FAM13B: variants seen among roughly 807,000 people sequenced by gnomAD.
FAM13B encodes the protein protein FAM13B.
FAM13B carries 60 observed loss-of-function variants against 117.3 expected under a neutral mutation model. That is an observed-to-expected ratio of 0.51 (90% CI 0.42 to 0.63). FAM13B has a LOEUF of 0.63. FAM13B is among the 30% of genes least tolerant of loss of function. The pLI, the probability that FAM13B is intolerant of heterozygous loss-of-function variation, is 0.00. For missense variants in FAM13B, 972 were observed against 1,091.9 expected, an observed-to-expected ratio of 0.89 and a Z score of 1.55; for synonymous variants, 332 against 356.1, an observed-to-expected ratio of 0.93 and a Z score of 0.76.
At position 138,021,166 on chromosome 5, in the gene FAM13B, T is replaced by C; in HGVS notation, c.-171A>G. On this transcript the variant is annotated 5_prime_UTR_variant, in exon 2 of 24. Transcript: ENST00000689681. ...AGCCTGTAGTTCCTCATTGAAGAAA[T>C]GCAGAACTCGATCAGTACTTCAGCA... The C allele has an allele frequency of 4.9e-6, 6 of 1,231,682 alleles. No homozygotes were observed. The highest frequency in any genetic ancestry group is 6.1e-6 in the Non-Finnish European group (6 of 987,948). 76.3% of individuals were successfully genotyped at this position (1,231,682 alleles called of 1,614,324 possible). A position where few individuals can be genotyped will look rare whatever the true frequency, so the allele number is the denominator to read the frequency against.
At chr5:137,985,960 C>G (rs995330729) in intron 9 of FAM13B, among the ~76,000 whole-genome samples, 1 of 152,206 alleles carries the variant, frequency 6.6e-6, no homozygotes, top group African/African-American at 2.4e-5. Flanking sequence ...AGGACAAACT[C>G]CAAGAAATCT....
chr5:138,025,331 TTTGAG>T (rs1788076239), intron 1 of FAM13B, among the ~76,000 whole-genome samples: 1 of 144,690 alleles, frequency 6.9e-6, no homozygotes, highest in Non-Finnish European at 1.5e-5. Flanking sequence ...TTTTTTTTTT[TTTGAG>T]TTGAGGTCTC....
intron 7 of FAM13B, among the ~76,000 whole-genome samples, chr5:137,994,761 T>C (rs1032020942): frequency 2.0e-4 from 31 of 152,346 alleles, no homozygotes; most frequent in African/African-American, 6.3e-4. Context: ...TTGAAGACTA[T>C]AGTCATTCCC....
At position 137,940,302 on chromosome 5, in the gene FAM13B, C is replaced by G. The variant is rs1389082373; in HGVS notation, c.2737G>C (p.Glu913Gln). 1 of 1,609,032 alleles carries G rather than the reference C, an allele frequency of 6.2e-7. No homozygotes were observed. Among genetic ancestry groups the G allele is most frequent in the Non-Finnish European group, 8.5e-7 (1 of 1,175,602 alleles). Residue 913 changes from glutamate (E) to glutamine (Q), a missense_variant, in exon 24 of 24, where the codon GAG becomes CAG. By Grantham distance (29) the Glu-to-Gln change is conservative (BLOSUM62 2). Coordinates refer to ENST00000689681, the MANE Select transcript of FAM13B (RefSeq NM_001385994.1). ...AGCTTGGCTTTAATTTTCTTGTACT[C>G]TCTGTACTCCTCAAGCACTGGAACA... ...DRVPVLEEYR[E>Q]YKKIKAKLRL...
chr5:138,011,839 A>G lies in FAM13B; in HGVS notation c.477T>C (p.Asn159=), dbSNP rs748191329. The G allele has an allele frequency of 6.8e-6, 11 of 1,610,970 alleles. No individual in the cohort carries two copies. The highest frequency in any genetic ancestry group is 4.5e-5 in the East Asian group (2 of 44,722). ...LLKFLCRFLA[N]VASHHEEIWS... The stretch of plus-strand genomic sequence containing the variant: ...AAATTTCTTCATGATGTGATGCTAC[A>G]TTGGCTAAAAATCTACACAGAAACT... Residue 159 remains asparagine (N), a synonymous_variant, in exon 5 of 24, where the codon AAT becomes AAC. Transcript: ENST00000689681.
chr5:138,015,389 A>C (rs1291891052), intron 4 of FAM13B, among the ~76,000 whole-genome samples: 4 of 152,256 alleles, frequency 2.6e-5, no homozygotes, highest in Non-Finnish European at 5.9e-5. Context: ...TGTATTTGTG[A>C]ATATTAAAAT....
intron 7 of FAM13B, among the ~76,000 whole-genome samples, chr5:137,989,903 C>A (rs372014394): frequency 6.6e-6 from 1 of 150,424 alleles, no homozygotes; most frequent in African/African-American, 2.4e-5. Context: ...GGGGAAAAAA[C>A]CCCAAAACAT....
In FAM13B at chr5:138,028,193, T is replaced by C. The variant is rs568450297; in HGVS notation, c.-203+4589A>G. Among the ~76,000 whole-genome samples, 9 of 152,266 alleles carry C rather than the reference T, an allele frequency of 5.9e-5. No individual in the cohort carries two copies. In the South Asian group the frequency reaches 1.2e-3, roughly 21 times the overall value. ...AAAGAGGGCTCTATTGCTTAAAAGATTGGGAATTTCACTGCTTTAAAAAAT... is the reference window on the plus strand; with the variant it reads ...AAAGAGGGCTCTATTGCTTAAAAGACTGGGAATTTCACTGCTTTAAAAAAT... On this transcript the variant is annotated intron_variant, in intron 1 of 23. Coordinates refer to ENST00000689681, the MANE Select transcript of FAM13B (RefSeq NM_001385994.1).
At chr5:138,041,291 C>G (rs1423278574) in intron 1 of FAM13B, among the ~76,000 whole-genome samples, 2 of 151,952 alleles carry the variant, frequency 1.3e-5, no homozygotes, top group Non-Finnish European at 2.9e-5. Context: ...AAACACTATC[C>G]AAAATAATGG....
intron 7 of FAM13B, among the ~76,000 whole-genome samples, chr5:138,005,180 T>C (rs1188140631): frequency 6.6e-6 from 1 of 152,170 alleles, no homozygotes; most frequent in Admixed American, 6.5e-5. Flanking sequence ...GAGGTTGCAG[T>C]GAGCCGAGAT....
chr5:138,008,594 A>C (rs1285704639), intron 6 of FAM13B, among the ~76,000 whole-genome samples: 1 of 152,198 alleles, frequency 6.6e-6, no homozygotes, highest in African/African-American at 2.4e-5. Context: ...TATACTAACT[A>C]CCTCACAGAG....
At chr5:138,024,239 T>C (rs760332347) in intron 1 of FAM13B, among the ~76,000 whole-genome samples, 11 of 151,854 alleles carry the variant, frequency 7.2e-5, no homozygotes, top group Non-Finnish European at 1.3e-4. Context: ...GAGGAAATCA[T>C]CCTAGATTTA....
chr5:138,050,076 T>C (rs1791755719), intron 1 of FAM13B, among the ~76,000 whole-genome samples: 1 of 152,130 alleles, frequency 6.6e-6, no homozygotes, highest in African/African-American at 2.4e-5. Context: ...AGTTCAAGGC[T>C]ACAGTAAGCT....
Position 138,032,798 on chromosome 5 carries a change from C to T in FAM13B, c.-219G>A. 1 of 985,818 alleles carries T rather than the reference C, an allele frequency of 1.0e-6. No individual in the cohort carries two copies. The highest frequency in any genetic ancestry group is 1.2e-6 in the Non-Finnish European group (1 of 829,984). The allele number at this position is 985,818 out of a possible 1,614,324, so 61.1% of individuals were successfully genotyped here. A position where few individuals can be genotyped will look rare whatever the true frequency, so the allele number is the denominator to read the frequency against. On this transcript the variant is annotated 5_prime_UTR_variant, in exon 1 of 24. Coordinates refer to ENST00000689681, the MANE Select transcript of FAM13B (RefSeq NM_001385994.1). ...TTTACCTACCGTTGGAACCGCGATG[C>T]CCCGTTCCCTGGCCGCGGCCGCTTC...
upstream of FAM13B, chr5:138,036,476 C>T (rs1333884416): frequency 4.4e-6 from 2 of 456,668 alleles, no homozygotes; most frequent in South Asian, 1.5e-5. Flanking sequence ...GCCCACGGTG[C>T]CCCTCAGACT....
chr5:137,948,315 G>A (rs1334132126), intron 18 of FAM13B, among the ~76,000 whole-genome samples: 4 of 152,156 alleles, frequency 2.6e-5, no homozygotes, highest in East Asian at 3.8e-4. Flanking sequence ...ACCAGCCAAC[G>A]TGGGGCATAA....
At chr5:138,051,389 A>G (rs1047284265) in intron 1 of FAM13B, among the ~76,000 whole-genome samples, 2 of 152,192 alleles carry the variant, frequency 1.3e-5, no homozygotes, top group Non-Finnish European at 1.5e-5. Flanking sequence ...TACCAAACCT[A>G]CCTCCAAAGA....
intron 18 of FAM13B, among the ~76,000 whole-genome samples, chr5:137,947,510 C>CA (rs564564373): frequency 3.0e-4 from 45 of 152,172 alleles, no homozygotes; most frequent in African/African-American, 1.0e-3. Flanking sequence ...CAATTAAGGC[C>CA]ATGAGTTTGA....
At chr5:137,940,555 A>G in intron 23 of FAM13B, 1 of 516,100 alleles carries the variant, frequency 1.9e-6, no homozygotes, top group Middle Eastern at 5.1e-4. Context: ...CTACTGATAG[A>G]TTAAATGATG....
Sources: gnomAD v4.1 joint callset for allele counts (sites outside exome capture counted in the v4.1 genomes callset) on GRCh38, gnomAD v4.1.1 for gene constraint, MANE v1.5 for transcripts, NCBI Gene and HGNC (gene_info 2026-07-23, HGNC 2026-07-21) for gene names.